DLL3: variants seen among roughly 807,000 people sequenced by gnomAD.
DLL3 encodes delta-like protein 3.
In DLL3, 49 loss-of-function variants were observed where a neutral mutation model predicts 55.0. That is an observed-to-expected ratio of 0.89 (90% CI 0.71 to 1.13). The LOEUF (loss-of-function observed/expected upper bound fraction) is 1.13, where lower values mean the gene tolerates loss of function less well. Ranked by LOEUF, DLL3 falls within the 50% of genes most tolerant of loss-of-function variation. The probability of loss-of-function intolerance (pLI) is 0.00; values close to 1 mark genes in which losing one functional copy is unlikely to be tolerated. For synonymous variants in DLL3, 421 were observed against 385.2 expected, an observed-to-expected ratio of 1.09 and a Z score of -1.09; for missense variants, 962 against 875.5, an observed-to-expected ratio of 1.10 and a Z score of -1.25.
chr19:39,506,951 C>T lies in DLL3; in HGVS notation c.1094-88C>T, dbSNP rs2079644185. ...TAAGTTAGAGAGAAAAAGGGGACCC[C>T]GTGCAGCGATGACAGAGCTGGGAAA... is the stretch of plus-strand genomic sequence containing the variant. On this transcript the variant is annotated intron_variant, in intron 6 of 8. Transcript: ENST00000356433. The T allele has an allele frequency of 2.9e-6, 4 of 1,378,566 alleles. No individual in the cohort carries two copies. In the African/African-American group the frequency reaches 4.4e-5, roughly 15 times the overall value. The allele number at this position is 1,378,566 out of a possible 1,614,324, so 85.4% of individuals were successfully genotyped here.
chr19:39,505,430 AG>A lies in DLL3; in HGVS notation c.1073del (p.Ser358ThrfsTer190), dbSNP rs2079634823. 1 of 1,613,950 alleles carries A rather than the reference AG, an allele frequency of 6.2e-7. No individual in the cohort carries two copies. The highest frequency in any genetic ancestry group is 1.3e-5 in the African/African-American group (1 of 74,898). On this transcript the variant is annotated frameshift_variant, in exon 6 of 9. Transcript: ENST00000356433. LOFTEE classifies it high-confidence loss of function. ...CTGTGAGAAGAGGGTGGACCGGTGC[AG>A]CCTGCAGCCATGCCGCAATGGTGAG... is the stretch of plus-strand genomic sequence containing the variant. The part of the protein sequence containing the change: ...SNCEKRVDRC[S>X]LQPCRNGGLC...
chr19:39,504,375 CCTGGGGAGGAGAT>C, intron 5 of DLL3, 87 bp downstream of exon 5: 2 of 1,429,562 alleles, frequency 1.4e-6, no homozygotes, highest in South Asian at 2.3e-5. Flanking sequence ...GAGACACCAG[CCTGGGGAGGAGAT>C]CTGGGAATAA....
At position 39,499,347 on chromosome 19, in the gene DLL3, C is replaced by T. The variant is rs764815909; in HGVS notation, c.225C>T (p.Ser75=). 1.6e-5 allele frequency: 25 copies of T among 1,554,018 alleles called. No homozygotes were observed. Among genetic ancestry groups the T allele is most frequent in the Non-Finnish European group, 2.1e-5 (24 of 1,155,530 alleles). ...KPGLSEEAAE[S]PCALGAALSA... The stretch of plus-strand genomic sequence containing the variant: ...GGCTCTCAGAGGAGGCCGCCGAGTC[C>T]CCGTGCGCCCTGGGCGCGGCGCTGA... The change falls in exon 2 of 9, where the codon TCC becomes TCT. Residue 75 remains serine, a synonymous_variant. Coordinates refer to ENST00000356433, the MANE Select transcript of DLL3 (RefSeq NM_203486.3).
chr19:39,508,223 CTA>C (rs1258763891), intron 8 of DLL3, 27 bp from the exon 9 acceptor site: 3 of 1,613,916 alleles, frequency 1.9e-6, no homozygotes, highest in Non-Finnish European at 2.5e-6. Flanking sequence ...GGCAGCCTCT[CTA>C]ATGCTTCCTA....
chr19:39,503,125 G>A, intron 4 of DLL3, 68 bp downstream of exon 4: 1 of 1,469,128 alleles, frequency 6.8e-7, no homozygotes, highest in Non-Finnish European at 9.0e-7. Context: ...CGTCACTCGC[G>A]GCCCCCAGTC....
At chr19:39,506,723 A>T (rs903054825) in intron 6 of DLL3, among the ~76,000 whole-genome samples, 3 of 151,836 alleles carry the variant, frequency 2.0e-5, no homozygotes, top group African/African-American at 7.3e-5. Context: ...GGAAGAGAGG[A>T]GGGGTATTCT....
Position 39,502,109 on chromosome 19 carries a change from C to G in DLL3, c.410-706C>G, listed in dbSNP as rs1318518224. Among the ~76,000 whole-genome samples, 6 of 151,666 alleles carry G rather than the reference C, an allele frequency of 4.0e-5. 1 individual carries two copies. The highest frequency in any genetic ancestry group is 8.8e-5 in the Non-Finnish European group (6 of 67,908). On this transcript the variant is annotated intron_variant, in intron 3 of 8. Coordinates refer to ENST00000356433, the MANE Select transcript of DLL3 (RefSeq NM_203486.3). ...GGCTGAGGCAGGAGAATGGCGTGAA[C>G]CCGGGAGGCGGAGCTGGCAGTGAGC... is the stretch of plus-strand genomic sequence containing the variant.
Position 39,507,554 on chromosome 19 carries a change from G to A in DLL3, c.1609G>A (p.Val537Ile), listed in dbSNP as rs909748472. 1 of 1,607,904 alleles carries A rather than the reference G, an allele frequency of 6.2e-7. No individual in the cohort carries two copies. The highest frequency in any genetic ancestry group is 8.5e-7 in the Non-Finnish European group (1 of 1,177,894). The change falls in exon 7 of 9, where the codon GTC (valine) becomes ATC (isoleucine). Residue 537 changes from valine to isoleucine, a missense_variant. Transcript: ENST00000356433. ...GCTGGCTGGGACCCCGGAGCCGTCA[G>A]TCCACGCACTCCCGGATGCACTCAA... ...RLLAGTPEPS[V>I]HALPDALNNL...
chr19:39,508,129 T>A lies in DLL3; in HGVS notation c.1759-123T>A, dbSNP rs982368816. On this transcript the variant is annotated intron_variant, in intron 8 of 8. Coordinates refer to ENST00000356433, the MANE Select transcript of DLL3 (RefSeq NM_203486.3). ...CCTGCCATCTTCTCTTTGAAAAACC[T>A]ATGGGCTTGAGGAGGTCACGATGCC... 2.8e-5 allele frequency: 45 copies of A among 1,613,336 alleles called. 1 individual carries two copies. The South Asian group carries it at 3.7e-4, about 13-fold the overall frequency.
Position 39,500,967 on chromosome 19 carries a change from G to A in DLL3, c.409+295G>A, listed in dbSNP as rs191727105. Among the ~76,000 whole-genome samples the A allele has an allele frequency of 1.6e-3, 239 of 151,908 alleles. 1 individual carries two copies. The highest frequency in any genetic ancestry group is 2.7e-3 in the Non-Finnish European group (182 of 67,964). On this transcript the variant is annotated intron_variant, in intron 3 of 8. Transcript: ENST00000356433. ...ATCTGATGTTGAGAGCTCAGGGTGCGATATGAATTACTTCTGGTTCTTTTA... is the reference window on the plus strand; with the variant it reads ...ATCTGATGTTGAGAGCTCAGGGTGCAATATGAATTACTTCTGGTTCTTTTA...
chr19:39,504,447 G>A (rs1026176708), intron 5 of DLL3, among the ~76,000 whole-genome samples, 159 bp downstream of exon 5: 1 of 152,170 alleles, frequency 6.6e-6, no homozygotes, highest in Non-Finnish European at 1.5e-5. Flanking sequence ...CTGGGGCCTT[G>A]AAGTAGGATT....
chr19:39,506,964 C>T (rs2079644310), intron 6 of DLL3, 75 bp from the exon 7 acceptor site: 25 of 1,460,780 alleles, frequency 1.7e-5, no homozygotes, highest in Non-Finnish European at 2.3e-5. Context: ...GCAGCGATGA[C>T]AGAGCTGGGA....
Position 39,505,359 on chromosome 19 carries a change from ACT to A in DLL3, c.1004_1005del (p.Ser335CysfsTer16). The A allele has an allele frequency of 6.2e-7, 1 of 1,613,880 alleles. No individual in the cohort carries two copies. The highest frequency in any genetic ancestry group is 8.5e-7 in the Non-Finnish European group (1 of 1,179,944). ...TTGTGTGTCGGGGGTGCAGACCCTG[ACT>A]CTGCCTACATCTGCCACTGCCCACC... On this transcript the variant is annotated frameshift_variant, in exon 6 of 9. Coordinates refer to ENST00000356433, the MANE Select transcript of DLL3 (RefSeq NM_203486.3). LOFTEE classifies it high-confidence loss of function.
chr19:39,500,830 A>G (rs746445969), intron 3 of DLL3, among the ~76,000 whole-genome samples, 158 bp downstream of exon 3: 1 of 147,810 alleles, frequency 6.8e-6, no homozygotes, highest in Non-Finnish European at 1.5e-5. Context: ...AGGCACAGAA[A>G]TGTCCCTGGT....
In DLL3 at chr19:39,507,343, C is replaced by T. The variant is rs777442783; in HGVS notation, c.1398C>T (p.Phe466=). The part of the protein sequence containing the change: ...APGYMGARCE[F]PVHPDGASAL... ...GCTACATGGGAGCGCGGTGTGAGTT[C>T]CCAGTGCACCCCGACGGCGCAAGCG... The change falls in exon 7 of 9, where the codon TTC becomes TTT. Residue 466 remains phenylalanine (F), a synonymous_variant. Coordinates refer to ENST00000356433, the MANE Select transcript of DLL3 (RefSeq NM_203486.3). 59 of 1,571,030 alleles carry T rather than the reference C, an allele frequency of 3.8e-5. No homozygotes were observed. The highest frequency in any genetic ancestry group is 5.0e-5 in the Non-Finnish European group (58 of 1,165,656).
Position 39,507,232 on chromosome 19 carries a change from C to T in DLL3, c.1287C>T (p.Arg429=), listed in dbSNP as rs1220811821. 5 of 1,459,368 alleles carry T rather than the reference C, an allele frequency of 3.4e-6. No individual in the cohort carries two copies. The highest frequency in any genetic ancestry group is 4.5e-6 in the Non-Finnish European group (5 of 1,112,158). The allele number at this position is 1,459,368 out of a possible 1,614,324, so 90.4% of individuals were successfully genotyped here. The change falls in exon 7 of 9, where the codon CGC becomes CGT. Residue 429 remains arginine, a synonymous_variant. Coordinates refer to ENST00000356433, the MANE Select transcript of DLL3 (RefSeq NM_203486.3). ...TCGGCGGCCGCGACTGCCGCGAGCG[C>T]GCGGACCCGTGCGCCGCGCGCCCCT... ...LGFGGRDCRE[R]ADPCAARPCA...
In DLL3 at chr19:39,507,274, C is replaced by T. The variant is rs1339079398; in HGVS notation, c.1329C>T (p.Arg443=). The T allele has an allele frequency of 6.5e-7, 1 of 1,535,142 alleles. No homozygotes were observed. Among genetic ancestry groups the T allele is most frequent in the Non-Finnish European group, 8.7e-7 (1 of 1,147,324 alleles). The change falls in exon 7 of 9, where the codon CGC becomes CGT. Residue 443 remains arginine, a synonymous_variant. Coordinates refer to ENST00000356433, the MANE Select transcript of DLL3 (RefSeq NM_203486.3). ...CAARPCAHGG[R]CYAHFSGLVC... ...CGCGCCCCTGTGCTCACGGCGGCCG[C>T]TGCTACGCCCACTTCTCCGGCCTCG...
intron 2 of DLL3, 43 bp from the exon 3 acceptor site, chr19:39,500,572 A>T: frequency 6.4e-7 from 1 of 1,569,788 alleles, no homozygotes; most frequent in Non-Finnish European, 8.8e-7. Flanking sequence ...TACCCTAACC[A>T]CTGTCTTTCA....
chr19:39,503,154 A>T, intron 4 of DLL3, 97 bp downstream of exon 4: 2 of 1,333,322 alleles, frequency 1.5e-6, no homozygotes, highest in Non-Finnish European at 1.0e-6. Flanking sequence ...CAACCCACTC[A>T]CCCTCTTCAG....
Sources: allele counts gnomAD v4.1 joint callset (sites outside exome capture counted in the v4.1 genomes callset), GRCh38; gene constraint gnomAD v4.1.1; transcripts MANE v1.5; gene names NCBI Gene and HGNC (gene_info 2026-07-23, HGNC 2026-07-21).